The following PXN variants were observed in gnomAD, a reference collection of about 807,000 sequenced individuals.
The protein encoded by PXN is paxillin.
Under a neutral mutation model 103.6 loss-of-function variants are expected in PXN, and 61 were observed. The observed-to-expected ratio is 0.59, with a 90% CI of 0.48 to 0.73. The LOEUF is 0.73. PXN is among the 30% of genes least tolerant of loss of function. PXN has a pLI of 0.00. For synonymous variants in PXN, 562 were observed against 607.8 expected (o/e 0.92, Z 1.11); for missense variants, 1,274 against 1,460.3 (o/e 0.87, Z 2.08).
At position 120,216,119 on chromosome 12, in the gene PXN, T is replaced by A; in HGVS notation, c.2301+154A>T. ...AGTGGGGGAAGACCGGGGTCAAGGT[T>A]TACGGCAGGACTGTGGTTACTGTGC... On this transcript the variant is annotated intron_variant, in intron 9 of 14. Transcript: ENST00000637617. This position sits in a 1 kb window ranked among gnomAD's most constrained non-coding sequence, Gnocchi z 5.1. 34 of 1,283,974 alleles carry A rather than the reference T, an allele frequency of 2.6e-5. No homozygotes were observed. The highest frequency in any genetic ancestry group is 3.1e-5 in the Non-Finnish European group (32 of 1,017,964). 79.5% of individuals were successfully genotyped at this position (1,283,974 alleles called of 1,614,324 possible). A position where few individuals can be genotyped will look rare whatever the true frequency, so the allele number is the denominator to read the frequency against.
At chr12:120,242,462 C>G (rs571236534) in intron 1 of PXN, among the ~76,000 whole-genome samples, 6 of 152,292 alleles carry the variant, frequency 3.9e-5, no homozygotes, top group African/African-American at 1.4e-4. Context: ...GCCACATGAG[C>G]ATGCGGCTCA....
At chr12:120,263,280 C>T (rs1271318889) in intron 1 of PXN, among the ~76,000 whole-genome samples, 4 of 152,246 alleles carry the variant, frequency 2.6e-5, no homozygotes, top group Non-Finnish European at 5.9e-5. Context: ...TTCCTCTCCC[C>T]TCCTGCACAC....
intron 1 of PXN, among the ~76,000 whole-genome samples, chr12:120,233,227 G>A (rs1888400177): frequency 6.6e-6 from 1 of 152,222 alleles, no homozygotes; most frequent in South Asian, 2.1e-4. Context: ...CTTCACTCTT[G>A]CTTCTCCCCC....
At position 120,251,921 on chromosome 12, in the gene PXN, C is replaced by T. The variant is rs189511665; in HGVS notation, c.13+13696G>A. On this transcript the variant is annotated intron_variant, in intron 1 of 14. Transcript: ENST00000637617. ...AGATTATCCCAAGAATGAACGATAA[C>T]CATCACCAGTTACTGAGCACTTTGA... is the stretch of plus-strand genomic sequence containing the variant. Among the ~76,000 whole-genome samples, 9 of 152,302 alleles carry T rather than the reference C, an allele frequency of 5.9e-5. No individual in the cohort carries two copies. In the East Asian group the frequency reaches 1.7e-3, roughly 29 times the overall value.
At chr12:120,242,620 T>G (rs970021353) in intron 1 of PXN, among the ~76,000 whole-genome samples, 3 of 151,850 alleles carry the variant, frequency 2.0e-5, no homozygotes, top group African/African-American at 7.3e-5. Context: ...GTGTGGTGGC[T>G]CATGCCTGTA....
intron 1 of PXN, among the ~76,000 whole-genome samples, chr12:120,257,351 C>G (rs141083275): frequency 2.7e-3 from 409 of 152,318 alleles, no homozygotes; most frequent in African/African-American, 8.5e-3. Context: ...CCCCCTCCCC[C>G]ATAAAACACA....
At chr12:120,238,709 T>C (rs1889586991) in intron 1 of PXN, among the ~76,000 whole-genome samples, 1 of 152,200 alleles carries the variant, frequency 6.6e-6, no homozygotes, top group African/African-American at 2.4e-5. Flanking sequence ...GAAACAATAC[T>C]CTGAGGGGAA....
Position 120,214,753 on chromosome 12 carries a change from C to A in PXN, c.2748+72G>T. ...CCTCTCTGAGCCTCCCACGGCACCC[C>A]CTGCATCCTCAGAGGGCTGCGGTGA... On this transcript the variant is annotated intron_variant, in intron 12 of 14. Coordinates refer to ENST00000637617, the MANE Select transcript of PXN (RefSeq NM_001385981.1). This position sits in a 1 kb window ranked among gnomAD's most constrained non-coding sequence, Gnocchi z 5.0. 2 of 1,578,346 alleles carry A rather than the reference C, an allele frequency of 1.3e-6. No homozygotes were observed. Among genetic ancestry groups the A allele is most frequent in the South Asian group, 2.3e-5 (2 of 87,738 alleles).
chr12:120,241,692 G>T (rs780721904), intron 1 of PXN, among the ~76,000 whole-genome samples: 11 of 152,234 alleles, frequency 7.2e-5, no homozygotes, highest in Non-Finnish European at 1.0e-4. Flanking sequence ...AACAGCCTGG[G>T]AAAGTGCCCA....
At chr12:120,242,207 T>C (rs1230025131) in intron 1 of PXN, among the ~76,000 whole-genome samples, 1 of 152,166 alleles carries the variant, frequency 6.6e-6, no homozygotes, top group Non-Finnish European at 1.5e-5. Flanking sequence ...TATGGTACCC[T>C]TCTCCTGAAC....
rs1594431443 is a variant in PXN at position 120,228,497 on chromosome 12, ACTGT to A, written c.14-4124_14-4121del. ...CCGCCCTGGTGAGGAAGGGGTGCAG[ACTGT>A]CTGCTGCTCCCCACCAGAGGGCACC... On this transcript the variant is annotated intron_variant, in intron 1 of 14. Transcript: ENST00000637617. The surrounding 1 kb of genome is among the most constrained non-coding windows in gnomAD (Gnocchi z 4.7). Among the ~76,000 whole-genome samples, 1 of 152,186 alleles carries A rather than the reference ACTGT, an allele frequency of 6.6e-6. No homozygotes were observed. The highest frequency in any genetic ancestry group is 1.9e-4 in the East Asian group (1 of 5,188).
rs753277174 is a variant in PXN, at chr12:120,216,867, G to C, written c.1966C>G (p.Arg656Gly). 6.6e-7 allele frequency: 1 copy of C among 1,506,296 alleles called. No homozygotes were observed. The highest frequency in any genetic ancestry group is 1.3e-5 in the South Asian group (1 of 78,906). 93.3% of individuals were successfully genotyped at this position (1,506,296 alleles called of 1,614,324 possible). Reference protein sequence around the residue: ...VIITVQPRGKRAGGQLVEKVV... With the variant: ...VIITVQPRGKGAGGQLVEKVV... Reference sequence around the variant, plus strand: ...TTCTCTACGAGCTGCCCCCCGGCCCGCTTCCCACGTGGCTGCACAGTGATG... The same window carrying C: ...TTCTCTACGAGCTGCCCCCCGGCCCCCTTCCCACGTGGCTGCACAGTGATG... Residue 656 changes from arginine (R) to glycine (G), a missense_variant, in exon 8 of 15, where the codon CGG becomes GGG. By Grantham distance (125) the Arg-to-Gly change is moderately radical (BLOSUM62 -2). Around this residue, in one of 2 missense-constraint regions of PXN, gnomAD observed 1,178 missense variants for 1,309.0 expected, o/e 0.90. Coordinates refer to ENST00000637617, the MANE Select transcript of PXN (RefSeq NM_001385981.1). This position sits in a 1 kb window ranked among gnomAD's most constrained non-coding sequence, Gnocchi z 5.1.
At position 120,215,871 on chromosome 12, in the gene PXN, C is replaced by G; in HGVS notation, c.2302-210G>C. The G allele has an allele frequency of 7.6e-7, 1 of 1,323,674 alleles. No individual in the cohort carries two copies. Among genetic ancestry groups the G allele is most frequent in the South Asian group, 1.9e-5 (1 of 53,462 alleles). The allele number at this position is 1,323,674 out of a possible 1,614,324, so 82.0% of individuals were successfully genotyped here. On this transcript the variant is annotated intron_variant, in intron 9 of 14. Transcript: ENST00000637617. This position sits in a 1 kb window ranked among gnomAD's most constrained non-coding sequence, Gnocchi z 4.9. ...AAGGAAGAAGGACAGGGAGGGGAGT[C>G]GACCAAAGGCAGAGGAAATGGCAAG...
intron 1 of PXN, among the ~76,000 whole-genome samples, chr12:120,243,889 C>T (rs556350625): frequency 6.6e-6 from 1 of 152,254 alleles, no homozygotes; most frequent in African/African-American, 2.4e-5. Flanking sequence ...AGGAATAGCA[C>T]ATTGTGGGTA....
intron 1 of PXN, among the ~76,000 whole-genome samples, chr12:120,231,384 T>C (rs1417297609): frequency 6.6e-6 from 1 of 152,202 alleles, no homozygotes; most frequent in Non-Finnish European, 1.5e-5. Flanking sequence ...CATTTAAATA[T>C]TTAATAGCCA....
In PXN at chr12:120,228,535, G is replaced by A. The variant is rs748128635; in HGVS notation, c.14-4158C>T. Among the ~76,000 whole-genome samples, 2 of 152,242 alleles carry A rather than the reference G, an allele frequency of 1.3e-5. No homozygotes were observed. Among genetic ancestry groups the A allele is most frequent in the Non-Finnish European group, 2.9e-5 (2 of 68,034 alleles). ...CCCCACCAGAGGGCACCATTGGCCC[G>A]TCAGCTTCTTGCCACTGGGTAACCT... On this transcript the variant is annotated intron_variant, in intron 1 of 14. Coordinates refer to ENST00000637617, the MANE Select transcript of PXN (RefSeq NM_001385981.1). This position sits in a 1 kb window ranked among gnomAD's most constrained non-coding sequence, Gnocchi z 4.7.
At chr12:120,252,956 G>A (rs140500638) in intron 1 of PXN, among the ~76,000 whole-genome samples, 71 of 142,058 alleles carry the variant, frequency 5.0e-4, no homozygotes, top group African/African-American at 1.9e-3. Context: ...CCGAGATCAT[G>A]CCACTGCACT....
In PXN at chr12:120,212,570, G is replaced by A. The variant is rs764009263; in HGVS notation, c.2990C>T (p.Thr997Met). 75 of 1,611,624 alleles carry A rather than the reference G, an allele frequency of 4.7e-5. No homozygotes were observed. The highest frequency in any genetic ancestry group is 5.0e-5 in the Admixed American group (3 of 59,988). ...PECFVCRECF[T>M]PFVNGSFFEH... is the part of the protein sequence containing the mutation. Reference sequence around the variant, plus strand: ...GAAGAAGCTGCCGTTCACGAATGGCGTGAAGCATTCCTGCCAGGCGGAGAG... The same window carrying A: ...GAAGAAGCTGCCGTTCACGAATGGCATGAAGCATTCCTGCCAGGCGGAGAG... The change falls in exon 15 of 15, where the codon ACG becomes ATG. Residue 997 changes from threonine (T) to methionine (M), a missense_variant. By Grantham distance (81) the Thr-to-Met change is moderately conservative. Around this residue, in one of 2 missense-constraint regions of PXN, gnomAD observed 96 missense variants for 151.3 expected, o/e 0.63. Transcript: ENST00000637617. This position sits in a 1 kb window ranked among gnomAD's most constrained non-coding sequence, Gnocchi z 7.2.
chr12:120,241,020 G>C (rs1334813335), intron 1 of PXN, among the ~76,000 whole-genome samples: 2 of 152,160 alleles, frequency 1.3e-5, no homozygotes, highest in Admixed American at 6.5e-5. Context: ...CTTTATATCA[G>C]AAGTCTTAAT....
Sources: allele counts gnomAD v4.1 joint callset (sites outside exome capture counted in the v4.1 genomes callset), GRCh38; gene constraint gnomAD v4.1.1; regional missense constraint gnomAD v4.1.1; non-coding constraint Gnocchi (gnomAD v3.1); transcripts MANE v1.5; gene names NCBI Gene and HGNC (gene_info 2026-07-23, HGNC 2026-07-21).